The following SLC9A2 variants were observed in gnomAD, a reference collection of about 807,000 sequenced individuals.
SLC9A2 encodes solute carrier family 9 member A2.
A neutral mutation model predicts 71.7 loss-of-function variants in SLC9A2; 42 were observed. The ratio of observed to expected loss-of-function variants is 0.59; its 90% CI spans 0.46 to 0.76. The LOEUF (loss-of-function observed/expected upper bound fraction) is 0.76, where lower values mean the gene tolerates loss of function less well. Ranked by LOEUF, SLC9A2 falls within the 30% of genes least tolerant of loss-of-function variation. The pLI is 0.00. For synonymous variants in SLC9A2, 396 were observed against 392.5 expected (o/e 1.01, Z -0.10); for missense variants, 829 against 1,017.4 (o/e 0.81, Z 2.52).
chr2:102,649,023 C>T (rs1448103658), intron 1 of SLC9A2, among the ~76,000 whole-genome samples: 1 of 152,134 alleles, frequency 6.6e-6, no homozygotes, highest in Non-Finnish European at 1.5e-5. Context: ...CAAGACAATC[C>T]TAAGCAAAAA....
intron 2 of SLC9A2, among the ~76,000 whole-genome samples, chr2:102,660,820 C>T (rs779890151): frequency 3.9e-5 from 6 of 152,076 alleles, no homozygotes; most frequent in Non-Finnish European, 5.9e-5. Context: ...ATGATGCATA[C>T]GGCAAAAACG....
In SLC9A2 at chr2:102,695,090, G is replaced by A; in HGVS notation, c.1563G>A (p.Trp521Ter). Reference protein sequence around the residue: ...KTGIEDVCGHWGHNFWRDKFK... With the variant: ...KTGIEDVCGH The stretch of plus-strand genomic sequence containing the variant: ...GAATTGAAGATGTTTGTGGACATTG[G>A]GGTCACAACTTTTGGAGAGACAAGT... The change falls in exon 7 of 12, where the codon TGG becomes TGA. Residue 521 changes from tryptophan to a stop codon, truncating the protein, a stop_gained. Coordinates refer to ENST00000233969, the MANE Select transcript of SLC9A2 (RefSeq NM_003048.6). LOFTEE classifies it high-confidence loss of function. 3 of 1,613,778 alleles carry A rather than the reference G, an allele frequency of 1.9e-6. No individual in the cohort carries two copies. The highest frequency in any genetic ancestry group is 2.5e-6 in the Non-Finnish European group (3 of 1,179,786).
Position 102,684,219 on chromosome 2 carries a change from A to G in SLC9A2, c.1308A>G (p.Gly436=). The G allele has an allele frequency of 7.4e-6, 12 of 1,614,028 alleles. No individual in the cohort carries two copies. Among genetic ancestry groups the G allele is most frequent in the Non-Finnish European group, 1.0e-5 (12 of 1,179,950 alleles). ...ACCAGTTCATCATTGCCTATGGAGG[A>G]CTTCGAGGTGCCATCTGTTTTGCGT... The part of the protein sequence containing the change: ...FKDQFIIAYG[G]LRGAICFALV... Residue 436 remains glycine (G), a synonymous_variant, in exon 5 of 12, where the codon GGA becomes GGG. Transcript: ENST00000233969.
intron 1 of SLC9A2, among the ~76,000 whole-genome samples, chr2:102,627,132 A>T (rs147237416): frequency 8.4e-6 from 1 of 118,702 alleles, no homozygotes; most frequent in Admixed American, 8.4e-5. Context: ...CAAAATGTTA[A>T]CAACAACAAC....
chr2:102,675,620 A>G (rs1320105222), intron 3 of SLC9A2, among the ~76,000 whole-genome samples: 1 of 152,090 alleles, frequency 6.6e-6, no homozygotes, highest in Non-Finnish European at 1.5e-5. Context: ...AGAGACTCAG[A>G]CAGGAAAAAA....
intron 1 of SLC9A2, among the ~76,000 whole-genome samples, chr2:102,626,646 T>A (rs1439981614): frequency 2.6e-5 from 4 of 151,488 alleles, no homozygotes; most frequent in Non-Finnish European, 5.9e-5. Flanking sequence ...ACCTACAGAG[T>A]GGGAGAAAAT....
chr2:102,708,500 G>A lies in SLC9A2; in HGVS notation c.*11G>A. The A allele has an allele frequency of 6.2e-7, 1 of 1,609,590 alleles. No individual in the cohort carries two copies. The highest frequency in any genetic ancestry group is 8.5e-7 in the Non-Finnish European group (1 of 1,177,608). Reference sequence around the variant, plus strand: ...AGTGAGAAGCCTTAAGAGAAGCAGCGAAAGCAGATCTGAGTGTCTGACCCA... The same window carrying A: ...AGTGAGAAGCCTTAAGAGAAGCAGCAAAAGCAGATCTGAGTGTCTGACCCA... On this transcript the variant is annotated 3_prime_UTR_variant, in exon 12 of 12. Coordinates refer to ENST00000233969, the MANE Select transcript of SLC9A2 (RefSeq NM_003048.6).
At position 102,619,874 on chromosome 2, in the gene SLC9A2, G is replaced by A. The variant is rs772362493; in HGVS notation, c.26G>A (p.Ser9Asn). MEPLGNWR[S>N]LRAPLPPMLL... ...ATGGAACCACTGGGCAACTGGAGGA[G>A]CCTGCGGGCGCCACTGCCTCCGATG... The change falls in exon 1 of 12, where the codon AGC becomes AAC. Residue 9 changes from serine to asparagine, a missense_variant. Transcript: ENST00000233969. This position sits in a 1 kb window ranked among gnomAD's most constrained non-coding sequence, Gnocchi z 4.3. The A allele has an allele frequency of 6.4e-7, 1 of 1,551,708 alleles. No individual in the cohort carries two copies. The highest frequency in any genetic ancestry group is 8.7e-7 in the Non-Finnish European group (1 of 1,147,248).
At chr2:102,654,275 G>C (rs1183919385) in intron 1 of SLC9A2, among the ~76,000 whole-genome samples, 2 of 131,754 alleles carry the variant, frequency 1.5e-5, no homozygotes, top group African/African-American at 6.0e-5. Flanking sequence ...GCACATAGAA[G>C]CAAGAGTCAG....
At chr2:102,621,797 C>T (rs567351896) in intron 1 of SLC9A2, among the ~76,000 whole-genome samples, 1 of 152,286 alleles carries the variant, frequency 6.6e-6, no homozygotes, top group East Asian at 1.9e-4. Context: ...GAGAACACTT[C>T]CTCATGCAGA....
chr2:102,631,817 T>C (rs1676361440), intron 1 of SLC9A2, among the ~76,000 whole-genome samples: 1 of 151,412 alleles, frequency 6.6e-6, no homozygotes, highest in Non-Finnish European at 1.5e-5. Flanking sequence ...TTCATGCTTG[T>C]GTAGAAGAAT....
intron 1 of SLC9A2, among the ~76,000 whole-genome samples, chr2:102,657,191 G>T (rs1676958455): frequency 1.3e-5 from 2 of 149,502 alleles, no homozygotes; most frequent in African/African-American, 2.5e-5. Flanking sequence ...AGGTGACAGA[G>T]CAAGACTCCA....
chr2:102,656,716 T>C (rs1168197841), intron 1 of SLC9A2, among the ~76,000 whole-genome samples: 2 of 152,200 alleles, frequency 1.3e-5, no homozygotes, highest in Non-Finnish European at 2.9e-5. Context: ...ATGCCACAGA[T>C]GAGAGTAGTA....
chr2:102,649,362 A>G (rs1676788778), intron 1 of SLC9A2, among the ~76,000 whole-genome samples: 1 of 152,242 alleles, frequency 6.6e-6, no homozygotes, highest in Non-Finnish European at 1.5e-5. Context: ...ACCTAAAACC[A>G]TAAAAACTCT....
intron 1 of SLC9A2, among the ~76,000 whole-genome samples, chr2:102,627,498 T>C (rs1676272645): frequency 6.6e-6 from 1 of 152,186 alleles, no homozygotes; most frequent in African/African-American, 2.4e-5. Flanking sequence ...ATTTGTATTT[T>C]TTATAAAATT....
chr2:102,666,194 C>CT (rs1266703500), intron 3 of SLC9A2, among the ~76,000 whole-genome samples: 20,117 of 119,434 alleles, frequency 0.17, 2,340 homozygotes, highest in Non-Finnish European at 0.19. Context: ...TCCAGTTTAG[C>CT]TTTTTTTTTT....
intron 3 of SLC9A2, 21 bp from the exon 4 acceptor site, chr2:102,683,240 A>G (rs773367878): frequency 6.4e-7 from 1 of 1,550,460 alleles, no homozygotes; most frequent in South Asian, 1.1e-5. Flanking sequence ...GTTTCAATAG[A>G]AGCTGAATCT....
intron 3 of SLC9A2, among the ~76,000 whole-genome samples, chr2:102,672,496 C>T (rs1677272120): frequency 1.3e-5 from 2 of 152,116 alleles, no homozygotes; most frequent in Admixed American, 6.5e-5. Flanking sequence ...GAAATGCTCT[C>T]CCCGCTCTGA....
chr2:102,672,755 C>T (rs999137600), intron 3 of SLC9A2, among the ~76,000 whole-genome samples: 1 of 152,008 alleles, frequency 6.6e-6, no homozygotes, highest in Non-Finnish European at 1.5e-5. Context: ...GAATGAGCAG[C>T]GTACTTTAAA....
Sources: gnomAD v4.1 joint callset for allele counts (sites outside exome capture counted in the v4.1 genomes callset) on GRCh38, gnomAD v4.1.1 for gene constraint, Gnocchi (gnomAD v3.1) non-coding constraint, MANE v1.5 for transcripts, NCBI Gene and HGNC (gene_info 2026-07-23, HGNC 2026-07-21) for gene names.